TJP1: variants seen among roughly 807,000 people sequenced by gnomAD.
TJP1 encodes the protein tight junction protein ZO-1.
Under a neutral mutation model 194.2 loss-of-function variants are expected in TJP1, and 43 were observed. That is an observed-to-expected ratio of 0.22 (90% CI 0.17 to 0.29). The LOEUF is 0.29. Among genes scored for constraint, TJP1 ranks in the 10% least tolerant of loss-of-function variants. The pLI is 1.00. For missense variants in TJP1, 1,971 were observed against 2,185.7 expected (o/e 0.90, Z 1.96); for synonymous variants, 801 against 779.0 (o/e 1.03, Z -0.47).
At chr15:29,863,257 C>G (rs1023284556) in intron 2 of TJP1, among the ~76,000 whole-genome samples, 1 of 151,896 alleles carries the variant, frequency 6.6e-6, no homozygotes, top group African/African-American at 2.4e-5. Context: ...GACCGTGCCG[C>G]TGCACTCCAG....
In TJP1 at chr15:29,710,624, A is replaced by C. The variant is rs1286784335; in HGVS notation, c.4372+207T>G. Among the ~76,000 whole-genome samples the C allele has an allele frequency of 5.3e-5, 8 of 152,346 alleles. No individual in the cohort carries two copies. The East Asian group carries it at 1.5e-3, about 29-fold the overall frequency. On this transcript the variant is annotated intron_variant, in intron 24 of 27. Coordinates refer to ENST00000614355, the MANE Select transcript of TJP1 (RefSeq NM_001330239.4). ...TAGAGACTAGCATAAAATAGATTAA[A>C]ATCTGTTTAGCTAAAAGGCTTGTCC...
intron 1 of TJP1, chr15:29,968,386 G>C (rs2056403942): frequency 1.0e-6 from 1 of 985,200 alleles, no homozygotes; most frequent in African/African-American, 1.7e-5. Context: ...GGGTGCGGGT[G>C]CCAGGCGTCC....
chr15:29,909,432 C>T (rs898385216), intron 2 of TJP1, among the ~76,000 whole-genome samples: 1 of 151,664 alleles, frequency 6.6e-6, no homozygotes, highest in Non-Finnish European at 1.5e-5. Context: ...AGAGACATGG[C>T]AGCTACCTTG....
Position 29,708,868 on chromosome 15 carries a change from T to C in TJP1, c.4541A>G (p.Glu1514Gly). Residue 1514 changes from glutamate (E) to glycine (G), a missense_variant, in exon 25 of 28, where the codon GAA becomes GGA. Around this residue, in one of 5 missense-constraint regions of TJP1, gnomAD observed 1,108 missense variants for 1,128.5 expected, o/e 0.98. Transcript: ENST00000614355. Reference protein sequence around the residue: ...FPDKAPVNGTEQTQKTVTPAY... With the variant: ...FPDKAPVNGTGQTQKTVTPAY... Reference sequence around the variant, plus strand: ...TGGAGTGACTGTTTTCTGAGTCTGTTCAGTTCCATTAACTGGGGCTTTATC... The same window carrying C: ...TGGAGTGACTGTTTTCTGAGTCTGTCCAGTTCCATTAACTGGGGCTTTATC... 6.2e-7 allele frequency: 1 copy of C among 1,614,184 alleles called. No homozygotes were observed. Among genetic ancestry groups the C allele is most frequent in the Non-Finnish European group, 8.5e-7 (1 of 1,180,032 alleles).
intron 1 of TJP1, among the ~76,000 whole-genome samples, chr15:29,965,456 C>A (rs371865369): frequency 2.6e-5 from 4 of 152,128 alleles, no homozygotes; most frequent in Non-Finnish European, 4.4e-5. Flanking sequence ...AAGTGGTCCA[C>A]CCATCTTGGT....
chr15:29,708,786 G>C lies in TJP1; in HGVS notation c.4623C>G (p.Arg1541=), dbSNP rs371070610. Residue 1541 remains arginine, a synonymous_variant, in exon 25 of 28, where the codon CGC becomes CGG. Transcript: ENST00000614355. The stretch of plus-strand genomic sequence containing the variant: ...GATTGAATTTAGGACTTTCAAACTT[G>C]CGTTCAAATGGTCGGGCAGAACTTG... ...PYTSSARPFE[R]KFESPKFNHN... The C allele has an allele frequency of 6.2e-7, 1 of 1,614,090 alleles. No individual in the cohort carries two copies. Among genetic ancestry groups the C allele is most frequent in the Non-Finnish European group, 8.5e-7 (1 of 1,180,050 alleles).
chr15:29,964,342 T>C (rs370321421), intron 1 of TJP1, among the ~76,000 whole-genome samples: 1 of 152,118 alleles, frequency 6.6e-6, no homozygotes, highest in African/African-American at 2.4e-5. Context: ...TATTATAAAA[T>C]GGAGCATTTA....
chr15:29,780,488 T>C (rs544564554), intron 2 of TJP1, among the ~76,000 whole-genome samples: 1 of 152,224 alleles, frequency 6.6e-6, no homozygotes, highest in South Asian at 2.1e-4. Flanking sequence ...GGTGAAGCTT[T>C]GCTCACTTGC....
At chr15:29,699,761 T>C (rs182916394), downstream of TJP1, 1 of 152,716 alleles carries the variant, frequency 6.5e-6, no homozygotes, top group African/African-American at 2.4e-5. Context: ...TTCCCCCAAA[T>C]GTGGGTGACA....
At chr15:29,781,091 G>C (rs147719561) in intron 2 of TJP1, among the ~76,000 whole-genome samples, 1 of 151,954 alleles carries the variant, frequency 6.6e-6, no homozygotes, top group Non-Finnish European at 1.5e-5. Flanking sequence ...TAAACTATTA[G>C]CTAGACAAAG....
intron 2 of TJP1, among the ~76,000 whole-genome samples, chr15:29,923,702 G>A (rs1190119117): frequency 1.3e-5 from 2 of 152,164 alleles, no homozygotes; most frequent in African/African-American, 2.4e-5. Flanking sequence ...ACATGACTGT[G>A]GTGATGGATG....
rs552485346 is a variant in TJP1, at chr15:29,949,111, C to T, written c.306+7121G>A. Among the ~76,000 whole-genome samples, 48 of 149,330 alleles carry T rather than the reference C, an allele frequency of 3.2e-4. 1 individual carries two copies. The South Asian group carries it at 8.7e-3, about 27-fold the overall frequency. Reference sequence around the variant, plus strand: ...CCTTCACCACCACCTCCACCACTTCCACCTCTACAACCACCACCTCCACCT... The same window carrying T: ...CCTTCACCACCACCTCCACCACTTCTACCTCTACAACCACCACCTCCACCT... On this transcript the variant is annotated intron_variant, in intron 2 of 28. Transcript: ENST00000356107.
At chr15:29,803,673 C>T (rs2048931223) in intron 1 of TJP1, among the ~76,000 whole-genome samples, 1 of 152,106 alleles carries the variant, frequency 6.6e-6, no homozygotes, top group Admixed American at 6.5e-5. Context: ...AATGTTTATT[C>T]TCCTGTTAGT....
chr15:29,801,662 C>T (rs527502228), intron 1 of TJP1, among the ~76,000 whole-genome samples: 2 of 151,390 alleles, frequency 1.3e-5, no homozygotes, highest in South Asian at 2.1e-4. Context: ...GGGGTTTCAC[C>T]GTTTTAGCCG....
At position 29,811,565 on chromosome 15, in the gene TJP1, T is replaced by C. The variant is rs1410217998; in HGVS notation, c.27+10437A>G. 3.3e-5 allele frequency among the ~76,000 whole-genome samples: 5 copies of C among 152,278 alleles called. No individual in the cohort carries two copies. The East Asian group carries it at 9.7e-4, about 29-fold the overall frequency. ...AACCATTCACCATACTAGGTAGACA[T>C]CCAAATTGAGCCAGGTACCCTGGAT... On this transcript the variant is annotated intron_variant, in intron 1 of 27. Coordinates refer to ENST00000614355, the MANE Select transcript of TJP1 (RefSeq NM_001330239.4).
intron 2 of TJP1, among the ~76,000 whole-genome samples, chr15:29,955,585 T>C (rs2055902881): frequency 6.6e-6 from 1 of 150,864 alleles, no homozygotes; most frequent in Non-Finnish European, 1.5e-5. Context: ...ACCCCATATC[T>C]ACAAAATATT....
At chr15:29,704,815 G>A (rs1404106013) in intron 26 of TJP1, among the ~76,000 whole-genome samples, 4 of 152,194 alleles carry the variant, frequency 2.6e-5, no homozygotes, top group African/African-American at 7.2e-5. Context: ...AGAGATTCAT[G>A]CAGGGCCAAC....
intron 2 of TJP1, among the ~76,000 whole-genome samples, chr15:29,905,349 G>A (rs1005126845): frequency 1.3e-5 from 2 of 152,022 alleles, no homozygotes. Context: ...TTCCTCACAG[G>A]GTTAAAACTG....
At chr15:29,881,108 T>G (rs2052912002) in intron 2 of TJP1, among the ~76,000 whole-genome samples, 1 of 152,176 alleles carries the variant, frequency 6.6e-6, no homozygotes, top group African/African-American at 2.4e-5. Flanking sequence ...AACACTTGTC[T>G]TTTGTGGTTT....
Sources: allele counts gnomAD v4.1 joint callset (sites outside exome capture counted in the v4.1 genomes callset), GRCh38; gene constraint gnomAD v4.1.1; regional missense constraint gnomAD v4.1.1; transcripts MANE v1.5; gene names NCBI Gene and HGNC (gene_info 2026-07-23, HGNC 2026-07-21).